SCOC: variants seen among roughly 807,000 people sequenced by gnomAD.
SCOC encodes the protein short coiled-coil protein.
Under a neutral mutation model 9.9 loss-of-function variants are expected in SCOC, and 7 were observed. The ratio of observed to expected loss-of-function variants is 0.71; its 90% confidence interval spans 0.40 to 1.33. The LOEUF is 1.33. Among genes scored for constraint, SCOC ranks in the 40% most tolerant of loss-of-function variants. The pLI, the probability that SCOC is intolerant of heterozygous loss-of-function variation, is 0.01. For synonymous variants in SCOC, 19 were observed against 28.2 expected, an observed-to-expected ratio of 0.67 and a Z score of 1.03; for missense variants, 66 against 89.7, an observed-to-expected ratio of 0.74 and a Z score of 1.07.
intron 1 of SCOC, among the ~76,000 whole-genome samples, chr4:140,318,955 C>A (rs1042710813): frequency 1.3e-5 from 2 of 152,148 alleles, no homozygotes; most frequent in Non-Finnish European, 2.9e-5. Flanking sequence ...GGTGCAGGAA[C>A]CTTTTTTCTA....
rs11287239 is a variant in SCOC, at chr4:140,297,269, TGGG to T, written c.-19+39868_-19+39870del. ...GGAGAGGAGAGCATTCTGGTGACTG[TGGG>T]GGGGGGGGCACTGTTGTCAGTATCT... is the stretch of plus-strand genomic sequence containing the variant. On this transcript the variant is annotated intron_variant, in intron 1 of 4. Transcript: ENST00000394205. Among the ~76,000 whole-genome samples, 323 of 148,202 alleles carry T rather than the reference TGGG, an allele frequency of 2.2e-3. 1 individual carries two copies. The highest frequency in any genetic ancestry group is 7.4e-3 in the African/African-American group (298 of 40,362).
Position 140,379,629 on chromosome 4 carries a change from T to G in SCOC, c.83T>G (p.Leu28Trp). The G allele has an allele frequency of 6.2e-7, 1 of 1,612,434 alleles. No individual in the cohort carries two copies. Among genetic ancestry groups the G allele is most frequent in the Non-Finnish European group, 8.5e-7 (1 of 1,179,346 alleles). ...AAAACAAGACTTATTAATCAAGTGT[T>G]GGAACTCCAACACACACTTGAAGGT... Reference protein sequence around the residue: ...EEKTRLINQVLELQHTLEDLS... With the variant: ...EEKTRLINQVWELQHTLEDLS... The change falls in exon 3 of 4, where the codon TTG becomes TGG. Residue 28 changes from leucine (L) to tryptophan (W), a missense_variant. Transcript: ENST00000608372.
chr4:140,302,352 AG>A (rs1731837194), intron 1 of SCOC, among the ~76,000 whole-genome samples: 1 of 152,218 alleles, frequency 6.6e-6, no homozygotes, highest in South Asian at 2.1e-4. Flanking sequence ...CTACAGACCC[AG>A]GGATAAATTA....
chr4:140,289,648 C>T (rs935654552), intron 1 of SCOC, among the ~76,000 whole-genome samples: 11 of 152,164 alleles, frequency 7.2e-5, no homozygotes, highest in African/African-American at 2.7e-4. Flanking sequence ...TGACTTGTCA[C>T]CAAATGGTCC....
chr4:140,319,811 T>G (rs998409865), intron 1 of SCOC, among the ~76,000 whole-genome samples: 2 of 151,968 alleles, frequency 1.3e-5, no homozygotes, highest in African/African-American at 4.8e-5. Context: ...ATGAGAGAAC[T>G]TATGTTATAG....
intron 1 of SCOC, among the ~76,000 whole-genome samples, chr4:140,289,059 A>G (rs891155679): frequency 2.0e-5 from 3 of 152,086 alleles, no homozygotes; most frequent in African/African-American, 7.2e-5. Context: ...GACCTCACAC[A>G]CAGACCATTA....
In SCOC at chr4:140,288,546, C is replaced by T. The variant is rs1161790844; in HGVS notation, c.-19+31136C>T. The stretch of plus-strand genomic sequence containing the variant: ...CCTCCTATGCACACACACACATATC[C>T]GTACCACAAACATATATACACATGT... On this transcript the variant is annotated intron_variant, in intron 1 of 4. Coordinates refer to the SCOC transcript ENST00000394205. Among the ~76,000 whole-genome samples, 10 of 151,758 alleles carry T rather than the reference C, an allele frequency of 6.6e-5. No individual in the cohort carries two copies. The East Asian group carries it at 7.7e-4, about 12-fold the overall frequency.
chr4:140,371,560 C>T (rs1049906020), upstream of SCOC, among the ~76,000 whole-genome samples: 1 of 152,220 alleles, frequency 6.6e-6, no homozygotes, highest in Non-Finnish European at 1.5e-5. Flanking sequence ...ACACTCCCAA[C>T]AGTAATGAAT....
At chr4:140,355,247 A>G (rs1179233787) in intron 2 of SCOC, among the ~76,000 whole-genome samples, 4 of 147,188 alleles carry the variant, frequency 2.7e-5, no homozygotes, top group Non-Finnish European at 4.5e-5. Context: ...ATATATATAT[A>G]TAATGTATAT....
At chr4:140,299,651 C>A (rs924685642) in intron 1 of SCOC, among the ~76,000 whole-genome samples, 3 of 152,162 alleles carry the variant, frequency 2.0e-5, no homozygotes, top group Non-Finnish European at 4.4e-5. Context: ...TTTGTACACC[C>A]CTCCCCCATT....
chr4:140,319,822 G>A (rs1300817657), intron 1 of SCOC, among the ~76,000 whole-genome samples: 2 of 151,900 alleles, frequency 1.3e-5, no homozygotes, highest in African/African-American at 4.8e-5. Flanking sequence ...TATGTTATAG[G>A]CAAATAACTT....
intron 1 of SCOC, among the ~76,000 whole-genome samples, chr4:140,277,583 G>A (rs557156258): frequency 1.7e-4 from 26 of 152,238 alleles, no homozygotes; most frequent in African/African-American, 5.8e-4. Context: ...GAGGGAAAAA[G>A]TTTCTCTTAA....
At chr4:140,291,774 G>C (rs1731480593) in intron 1 of SCOC, among the ~76,000 whole-genome samples, 1 of 152,150 alleles carries the variant, frequency 6.6e-6, no homozygotes, top group Admixed American at 6.5e-5. Flanking sequence ...TATTGGGGGG[G>C]CTGTGATAAT....
At chr4:140,298,024 C>T (rs1267138549) in intron 1 of SCOC, among the ~76,000 whole-genome samples, 1 of 152,182 alleles carries the variant, frequency 6.6e-6, no homozygotes, top group Non-Finnish European at 1.5e-5. Flanking sequence ...GCTTATCTCC[C>T]CAGCCTCCCC....
chr4:140,356,251 CTG>C (rs1727224821), intron 2 of SCOC, among the ~76,000 whole-genome samples: 1 of 152,152 alleles, frequency 6.6e-6, no homozygotes. Context: ...AAAGAAGATT[CTG>C]TTTTGTTCCT....
chr4:140,343,386 TG>T (rs1726580396), upstream of SCOC: 2 of 382,660 alleles, frequency 5.2e-6, no homozygotes, highest in South Asian at 6.2e-5. Context: ...ACAGCAGCCG[TG>T]CCAGCACAGC....
At chr4:140,267,463 T>A (rs1482381544) in intron 1 of SCOC, among the ~76,000 whole-genome samples, 1 of 152,172 alleles carries the variant, frequency 6.6e-6, no homozygotes, top group Non-Finnish European at 1.5e-5. Flanking sequence ...TTTCCTGGGA[T>A]CTGTTTCTTG....
intron 1 of SCOC, chr4:140,374,137 G>A (rs1458367949): frequency 2.2e-6 from 1 of 464,286 alleles, no homozygotes; most frequent in Non-Finnish European, 4.3e-6. Context: ...TGAGAGATGG[G>A]AGGGGAGGCT....
intron 2 of SCOC, among the ~76,000 whole-genome samples, chr4:140,362,306 T>TCCTC (rs1276341362): frequency 1.3e-4 from 7 of 52,560 alleles, no homozygotes; most frequent in Admixed American, 4.0e-4. Context: ...CTTCTTTTTT[T>TCCTC]TTTTTTTTTG....
Sources: allele counts gnomAD v4.1 joint callset (sites outside exome capture counted in the v4.1 genomes callset), GRCh38; gene constraint gnomAD v4.1.1; transcripts MANE v1.5; gene names NCBI Gene and HGNC (gene_info 2026-07-23, HGNC 2026-07-21).